Variants in PRKCB observed in about 807,000 individuals in gnomAD.
The protein encoded by PRKCB is protein kinase C beta type.
A neutral mutation model predicts 81.5 loss-of-function variants in PRKCB; 13 were observed. The observed-to-expected ratio is 0.16, with a 90% CI of 0.10 to 0.25. PRKCB has a LOEUF of 0.25. Among genes scored for constraint, PRKCB ranks in the 10% least tolerant of loss-of-function variants. PRKCB has a pLI of 1.00. For missense variants in PRKCB, 509 were observed against 875.7 expected, an observed-to-expected ratio of 0.58 and a Z score of 5.29; for synonymous variants, 335 against 321.4, an observed-to-expected ratio of 1.04 and a Z score of -0.45.
intron 16 of PRKCB, among the ~76,000 whole-genome samples, chr16:24,192,987 T>G (rs1967816951): frequency 6.6e-6 from 1 of 151,462 alleles, no homozygotes; most frequent in African/African-American, 2.4e-5. Flanking sequence ...AAAGACAGGG[T>G]CTTCTTCTGT....
chr16:24,181,673 A>G (rs1393364714), intron 13 of PRKCB, among the ~76,000 whole-genome samples: 1 of 148,880 alleles, frequency 6.7e-6, no homozygotes, highest in Non-Finnish European at 1.5e-5. Flanking sequence ...AGGCTGAGGT[A>G]AGAGAATCAC....
chr16:24,028,521 A>G lies in PRKCB; in HGVS notation c.289-3615A>G, dbSNP rs868022285. Among the ~76,000 whole-genome samples, 9 of 152,342 alleles carry G rather than the reference A, an allele frequency of 5.9e-5. No homozygotes were observed. In the South Asian group the frequency reaches 6.2e-4, roughly 11 times the overall value. On this transcript the variant is annotated intron_variant, in intron 3 of 16. Transcript: ENST00000643927. ...TCCCTATCCACCTCCAACCCCTTTT[A>G]ACCACTGATGTTTTCTGTCCCCATA...
At chr16:23,865,888 C>T (rs942306735) in intron 2 of PRKCB, among the ~76,000 whole-genome samples, 2 of 151,894 alleles carry the variant, frequency 1.3e-5, no homozygotes, top group Admixed American at 1.3e-4. Flanking sequence ...CTAGAGCCTG[C>T]CTTTTAGTCT....
chr16:24,088,930 G>A (rs1025851586), intron 5 of PRKCB, among the ~76,000 whole-genome samples: 3 of 152,120 alleles, frequency 2.0e-5, no homozygotes, highest in African/African-American at 4.8e-5. Context: ...GGAGAAGAAA[G>A]ATGAGCTGTT....
intron 5 of PRKCB, among the ~76,000 whole-genome samples, chr16:24,045,001 G>A (rs1965746890): frequency 6.6e-6 from 1 of 152,160 alleles, no homozygotes; most frequent in African/African-American, 2.4e-5. Context: ...CACTGGGATC[G>A]CAGCAGGATT....
chr16:23,981,576 TTTC>T (rs1263963173), intron 2 of PRKCB, among the ~76,000 whole-genome samples: 1 of 27,980 alleles, frequency 3.6e-5, no homozygotes, highest in East Asian at 1.2e-3. Flanking sequence ...TTTCCTTTCT[TTTC>T]CTTTCCTTTC....
chr16:24,044,468 AG>A (rs1965741663), intron 5 of PRKCB, among the ~76,000 whole-genome samples: 1 of 152,232 alleles, frequency 6.6e-6, no homozygotes, highest in Non-Finnish European at 1.5e-5. Context: ...TCAAGCTGTA[AG>A]ATTATGATTT....
chr16:24,183,305 T>G (rs1967656122), intron 13 of PRKCB, among the ~76,000 whole-genome samples: 1 of 152,216 alleles, frequency 6.6e-6, no homozygotes, highest in Non-Finnish European at 1.5e-5. Context: ...TTGAGTTAAT[T>G]AACATATTTA....
intron 3 of PRKCB, among the ~76,000 whole-genome samples, chr16:24,003,625 T>A (rs1018216503): frequency 6.6e-6 from 1 of 152,132 alleles, no homozygotes; most frequent in Non-Finnish European, 1.5e-5. Context: ...TCTCAAGTGA[T>A]CTCCCTGTCT....
chr16:24,111,739 A>G (rs1277713100), intron 7 of PRKCB, among the ~76,000 whole-genome samples: 2 of 152,088 alleles, frequency 1.3e-5, no homozygotes, highest in African/African-American at 4.8e-5. Flanking sequence ...TCAAAGCTGC[A>G]GTGAGCTATG....
At chr16:24,019,293 A>G (rs556782776) in intron 3 of PRKCB, among the ~76,000 whole-genome samples, 1 of 151,904 alleles carries the variant, frequency 6.6e-6, no homozygotes, top group East Asian at 1.9e-4. Flanking sequence ...CCAGTGAACT[A>G]TGATCTCGCC....
At chr16:24,178,995 C>G (rs981702736) in intron 12 of PRKCB, among the ~76,000 whole-genome samples, 7 of 152,218 alleles carry the variant, frequency 4.6e-5, no homozygotes, top group Non-Finnish European at 1.0e-4. Flanking sequence ...ATCACCCTCC[C>G]TCTAGGCTCT....
intron 2 of PRKCB, among the ~76,000 whole-genome samples, chr16:23,955,408 T>A (rs1009526584): frequency 1.5e-4 from 23 of 152,082 alleles, no homozygotes; most frequent in Admixed American, 1.1e-3. Flanking sequence ...TGCCATATAT[T>A]TGTGATTTCC....
At chr16:24,185,412 A>G in intron 14 of PRKCB, 48 bp from the exon 15 acceptor site, 2 of 1,526,814 alleles carry the variant, frequency 1.3e-6, no homozygotes, top group Non-Finnish European at 9.1e-7. Context: ...AGCTAGGGGG[A>G]GGGTTCAAGC....
chr16:24,218,707 A>G lies in PRKCB; in HGVS notation c.*3891A>G. The G allele has an allele frequency of 1.0e-6, 1 of 985,482 alleles. No individual in the cohort carries two copies. Among genetic ancestry groups the G allele is most frequent in the African/African-American group, 1.7e-5 (1 of 57,360 alleles). The allele number at this position is 985,482 out of a possible 1,614,324, so 61.0% of individuals were successfully genotyped here. On this transcript the variant is annotated 3_prime_UTR_variant, in exon 17 of 17. Coordinates refer to ENST00000643927, the MANE Select transcript of PRKCB (RefSeq NM_002738.7). The stretch of plus-strand genomic sequence containing the variant: ...GGCTAAACCTAAAGCCTGGGTGGTG[A>G]TGGCTCAAACGCTAATGAGTCAGTG...
intron 5 of PRKCB, among the ~76,000 whole-genome samples, chr16:24,059,944 G>A (rs1053195022): frequency 2.0e-5 from 3 of 152,184 alleles, no homozygotes; most frequent in Non-Finnish European, 4.4e-5. Flanking sequence ...GATGCTGGAT[G>A]TTGAGGAGGG....
chr16:24,092,806 A>T lies in PRKCB; in HGVS notation c.545A>T (p.Asn182Ile), dbSNP rs1352952043. The change falls in exon 6 of 17, where the codon AAC (asparagine) becomes ATC (isoleucine). Residue 182 changes from asparagine to isoleucine, a missense_variant. By Grantham distance (149) the Asn-to-Ile change is moderately radical (BLOSUM62 -3). Around this residue, in one of 6 missense-constraint regions of PRKCB, gnomAD observed 184 missense variants for 362.9 expected, o/e 0.51. Transcript: ENST00000643927. ...VLIVLVRDAK[N>I]LVPMDPNGLS... is the part of the protein sequence containing the mutation. ...TCTTTTTCAGTAAGAGATGCTAAAAACCTTGTACCTATGGACCCCAATGGC... is the reference window on the plus strand; with the variant it reads ...TCTTTTTCAGTAAGAGATGCTAAAATCCTTGTACCTATGGACCCCAATGGC... 6.2e-7 allele frequency: 1 copy of T among 1,613,754 alleles called. No homozygotes were observed. The highest frequency in any genetic ancestry group is 8.5e-7 in the Non-Finnish European group (1 of 1,179,910).
rs558172407 is a variant in PRKCB, at chr16:24,220,416, G to T, written c.*5600G>T. On this transcript the variant is annotated 3_prime_UTR_variant, in exon 17 of 17. Transcript: ENST00000643927. ...CTGATACCAAAATGCTTCAGTATTT[G>T]TAATTTTTCAAGTCAGAAGCTGATG... 42 of 211,636 alleles carry T rather than the reference G, an allele frequency of 2.0e-4. No individual in the cohort carries two copies. Among genetic ancestry groups the T allele is most frequent in the African/African-American group, 9.6e-4 (42 of 43,678 alleles). 13.1% of individuals were successfully genotyped at this position (211,636 alleles called of 1,614,324 possible).
chr16:23,981,425 G>T (rs1300811349), intron 2 of PRKCB, among the ~76,000 whole-genome samples: 1 of 151,862 alleles, frequency 6.6e-6, no homozygotes, highest in Non-Finnish European at 1.5e-5. Context: ...AATCACATCT[G>T]CAAAATCAAT....
Sources: allele counts gnomAD v4.1 joint callset (sites outside exome capture counted in the v4.1 genomes callset), GRCh38; gene constraint gnomAD v4.1.1; regional missense constraint gnomAD v4.1.1; transcripts MANE v1.5; gene names NCBI Gene and HGNC (gene_info 2026-07-23, HGNC 2026-07-21).